NME7: variants seen among roughly 807,000 people sequenced by gnomAD.
NME7 encodes the protein nucleoside diphosphate kinase 7.
NME7 carries 41 observed loss-of-function variants against 49.1 expected under a neutral mutation model. The observed-to-expected ratio is 0.83, with a 90% CI of 0.65 to 1.08. The LOEUF (loss-of-function observed/expected upper bound fraction) is 1.08, where lower values mean the gene tolerates loss of function less well. Among genes scored for constraint, NME7 ranks in the 50% least tolerant of loss-of-function variants. NME7 has a pLI of 0.00. For synonymous variants in NME7, 139 were observed against 150.6 expected, an observed-to-expected ratio of 0.92 and a Z score of 0.56; for missense variants, 423 against 463.4, an observed-to-expected ratio of 0.91 and a Z score of 0.80.
At chr1:169,306,186 G>T (rs1400021904) in intron 4 of NME7, among the ~76,000 whole-genome samples, 1 of 152,162 alleles carries the variant, frequency 6.6e-6, no homozygotes. Flanking sequence ...GGTGAGTACA[G>T]ATGACTAAGA....
chr1:169,178,327 A>G (rs1404283191), intron 10 of NME7, among the ~76,000 whole-genome samples: 1 of 152,146 alleles, frequency 6.6e-6, no homozygotes, highest in East Asian at 1.9e-4. Context: ...GGAAGTCCTA[A>G]ATGAGATTTG....
In NME7 at chr1:169,242,409, T is replaced by C. The variant is rs564156578; in HGVS notation, c.755-4722A>G. On this transcript the variant is annotated intron_variant, in intron 7 of 11. Coordinates refer to ENST00000367811, the MANE Select transcript of NME7 (RefSeq NM_013330.5). ...AATCAAAAAAACTGTAAGAAAAAAA[T>C]AGAAATAGAAGGCAACTTCCCCATC... Among the ~76,000 whole-genome samples, 12 of 150,962 alleles carry C rather than the reference T, an allele frequency of 7.9e-5. No individual in the cohort carries two copies. The East Asian group carries it at 9.8e-4, about 12-fold the overall frequency.
chr1:169,164,779 G>T (rs530247147), intron 11 of NME7, among the ~76,000 whole-genome samples: 2 of 152,252 alleles, frequency 1.3e-5, no homozygotes, highest in East Asian at 3.9e-4. Context: ...TAGTCCTGCT[G>T]CCACTCTCTT....
intron 10 of NME7, among the ~76,000 whole-genome samples, chr1:169,207,757 T>C (rs1660712455): frequency 6.6e-6 from 1 of 152,148 alleles, no homozygotes; most frequent in Admixed American, 6.6e-5. Flanking sequence ...CAGGAAAGCA[T>C]AGAAGCCTCC....
intron 3 of NME7, among the ~76,000 whole-genome samples, chr1:169,317,613 G>T (rs1651696729): frequency 6.6e-6 from 1 of 152,094 alleles, no homozygotes. Flanking sequence ...GCTCACCACT[G>T]GTCCTAGGAC....
At chr1:169,264,690 G>A (rs1649265452) in intron 7 of NME7, among the ~76,000 whole-genome samples, 1 of 133,074 alleles carries the variant, frequency 7.5e-6, no homozygotes, top group Admixed American at 7.4e-5. Flanking sequence ...CCTACTGACA[G>A]TAATAGATCA....
At chr1:169,281,104 C>T (rs530611116) in intron 7 of NME7, among the ~76,000 whole-genome samples, 1 of 152,114 alleles carries the variant, frequency 6.6e-6, no homozygotes, top group East Asian at 1.9e-4. Flanking sequence ...AATGTTTTCC[C>T]ATTTGTTTGT....
At chr1:169,317,607 A>G (rs778322706) in intron 3 of NME7, among the ~76,000 whole-genome samples, 1 of 152,162 alleles carries the variant, frequency 6.6e-6, no homozygotes, top group African/African-American at 2.4e-5. Flanking sequence ...TCAACTGCTC[A>G]CCACTGGTCC....
chr1:169,145,681 G>A (rs1658726855), intron 11 of NME7, among the ~76,000 whole-genome samples: 1 of 152,072 alleles, frequency 6.6e-6, no homozygotes, highest in Admixed American at 6.6e-5. Flanking sequence ...AAGATGACAA[G>A]GTCAGTAAAA....
chr1:169,322,149 C>G (rs539985372), intron 3 of NME7: 1 of 152,076 alleles, frequency 6.6e-6, no homozygotes, highest in Non-Finnish European at 1.5e-5. Context: ...TCCTTGTTTT[C>G]TTGTTTTCTA....
rs1325190044 is a variant in NME7 at position 169,256,658 on chromosome 1, A to T, written c.755-18971T>A. 2.5e-5 allele frequency among the ~76,000 whole-genome samples: 3 copies of T among 121,306 alleles called. 1 individual carries two copies. Among genetic ancestry groups the T allele is most frequent in the Non-Finnish European group, 5.6e-5 (3 of 53,986 alleles). The allele number at this position is 121,306 out of a possible 152,430, so 79.6% of individuals were successfully genotyped here. A position where few individuals can be genotyped will look rare whatever the true frequency, so the allele number is the denominator to read the frequency against. On this transcript the variant is annotated intron_variant, in intron 7 of 11. Coordinates refer to ENST00000367811, the MANE Select transcript of NME7 (RefSeq NM_013330.5). ...AGGCGCTCTGCTTTTTAGAGTTTCC[A>T]GTTTTTCTGTTCTGTTTTTTCCCCA... is the stretch of plus-strand genomic sequence containing the variant.
At chr1:169,221,024 G>T (rs1661127590) in intron 10 of NME7, among the ~76,000 whole-genome samples, 2 of 152,126 alleles carry the variant, frequency 1.3e-5, no homozygotes, top group Admixed American at 6.6e-5. Flanking sequence ...AGAGTAGAGA[G>T]AACTCTGTTT....
intron 11 of NME7, among the ~76,000 whole-genome samples, chr1:169,163,213 G>C (rs975022983): frequency 6.6e-6 from 1 of 151,920 alleles, no homozygotes; most frequent in African/African-American, 2.4e-5. Context: ...CACTGAAGTG[G>C]AGAAGAGGGG....
In NME7 at chr1:169,153,193, T is replaced by C. The variant is rs534014794; in HGVS notation, c.1098+16254A>G. Among the ~76,000 whole-genome samples the C allele has an allele frequency of 1.8e-3, 279 of 152,068 alleles. 2 individuals are homozygous for C. The highest frequency in any genetic ancestry group is 6.4e-3 in the African/African-American group (267 of 41,530). On this transcript the variant is annotated intron_variant, in intron 11 of 11. Coordinates refer to ENST00000367811, the MANE Select transcript of NME7 (RefSeq NM_013330.5). ...CTCTTAGCATATAAAATGGAGATAA[T>C]AGAAACTATTCAACAGAGTTTTTAG...
chr1:169,134,625 A>G (rs1228042792), intron 11 of NME7, among the ~76,000 whole-genome samples: 2 of 152,148 alleles, frequency 1.3e-5, no homozygotes, highest in Non-Finnish European at 2.9e-5. Flanking sequence ...ACAAAGAGGG[A>G]CAGGCCTTGG....
At position 169,367,755 on chromosome 1, in the gene NME7, G is replaced by T. The variant is rs753968466; in HGVS notation, c.-45C>A. On this transcript the variant is annotated 5_prime_UTR_variant, in exon 1 of 12. Coordinates refer to ENST00000367811, the MANE Select transcript of NME7 (RefSeq NM_013330.5). ...TAGAAAATAGGTATCGTTGAGACAG[G>T]AAGACACCACCACCACCACCATCAT... 3 of 1,613,036 alleles carry T rather than the reference G, an allele frequency of 1.9e-6. No homozygotes were observed. The highest frequency in any genetic ancestry group is 2.5e-6 in the Non-Finnish European group (3 of 1,179,176).
chr1:169,243,329 G>A (rs1648169936), intron 7 of NME7, among the ~76,000 whole-genome samples: 1 of 152,128 alleles, frequency 6.6e-6, no homozygotes, highest in Non-Finnish European at 1.5e-5. Flanking sequence ...AGGAAATAAA[G>A]TCTCCAAGAA....
At chr1:169,209,951 T>C (rs1156741823) in intron 10 of NME7, among the ~76,000 whole-genome samples, 3 of 152,144 alleles carry the variant, frequency 2.0e-5, no homozygotes, top group Non-Finnish European at 4.4e-5. Context: ...TATAATTTCT[T>C]GCACAATTAT....
Position 169,271,912 on chromosome 1 carries a change from T to C in NME7, c.754+15391A>G, listed in dbSNP as rs1352785225. On this transcript the variant is annotated intron_variant, in intron 7 of 11. Transcript: ENST00000367811. The stretch of plus-strand genomic sequence containing the variant: ...CATGTGAACCTAATAATAAATTCAA[T>C]ATGAGACTTCAAACTATATTTCATT... Among the ~76,000 whole-genome samples the C allele has an allele frequency of 3.8e-5, 5 of 132,482 alleles. 2 individuals carry two copies. Among genetic ancestry groups the C allele is most frequent in the East Asian group, 4.0e-4 (2 of 5,030 alleles). 86.9% of individuals were successfully genotyped at this position (132,482 alleles called of 152,430 possible).
Sources: allele counts gnomAD v4.1 joint callset (sites outside exome capture counted in the v4.1 genomes callset), GRCh38; gene constraint gnomAD v4.1.1; transcripts MANE v1.5; gene names NCBI Gene and HGNC (gene_info 2026-07-23, HGNC 2026-07-21).